Variants in ALK observed in about 807,000 individuals in gnomAD.
ALK encodes ALK tyrosine kinase receptor.
A neutral mutation model predicts 163.1 loss-of-function variants in ALK; 74 were observed. That is an observed-to-expected ratio of 0.45 (90% confidence interval 0.38 to 0.55). The LOEUF is 0.55. ALK is among the 20% of genes least tolerant of loss of function. ALK has a pLI of 0.00. For synonymous variants in ALK, 960 were observed against 843.2 expected, an observed-to-expected ratio of 1.14 and a Z score of -2.40; for missense variants, 2,063 against 2,105.3, an observed-to-expected ratio of 0.98 and a Z score of 0.39.
intron 4 of ALK, among the ~76,000 whole-genome samples, chr2:29,405,313 C>G (rs920493431): frequency 6.6e-6 from 1 of 152,192 alleles, no homozygotes; most frequent in Non-Finnish European, 1.5e-5. Flanking sequence ...GTTTTCAATA[C>G]AACAGCAGCT....
intron 3 of ALK, among the ~76,000 whole-genome samples, chr2:29,691,398 G>A (rs1678392246): frequency 6.6e-6 from 1 of 152,210 alleles, no homozygotes; most frequent in Non-Finnish European, 1.5e-5. Flanking sequence ...CTTGGTAAAG[G>A]AGACTGGTGT....
intron 4 of ALK, among the ~76,000 whole-genome samples, chr2:29,515,977 C>A (rs1672651241): frequency 6.6e-6 from 1 of 152,150 alleles, no homozygotes; most frequent in Non-Finnish European, 1.5e-5. Context: ...CTGTGAAAGG[C>A]CAGCTCAAGC....
intron 1 of ALK, among the ~76,000 whole-genome samples, chr2:29,877,339 C>A (rs916516146): frequency 6.6e-6 from 1 of 152,132 alleles, no homozygotes; most frequent in African/African-American, 2.4e-5. Flanking sequence ...ACCAGCTTGT[C>A]ATAGAGGCCT....
chr2:29,844,894 C>T (rs1431056922), intron 1 of ALK, among the ~76,000 whole-genome samples: 1 of 147,142 alleles, frequency 6.8e-6, no homozygotes, highest in Non-Finnish European at 1.5e-5. Context: ...CACACAGAGG[C>T]ACACACACAC....
chr2:29,770,748 T>C (rs531361266), intron 1 of ALK, among the ~76,000 whole-genome samples: 1 of 152,034 alleles, frequency 6.6e-6, no homozygotes, highest in South Asian at 2.1e-4. Flanking sequence ...GATAAAGAGA[T>C]AGAAAATAGG....
chr2:29,291,441 T>C lies in ALK; in HGVS notation c.1817+5447A>G, dbSNP rs1476801878. 4.6e-5 allele frequency among the ~76,000 whole-genome samples: 7 copies of C among 152,180 alleles called. No individual in the cohort carries two copies. In the South Asian group the frequency reaches 8.3e-4, roughly 18 times the overall value. ...AGTTTCTGCTACATGCCAAGCCCCA[T>C]GCATCACTTCCTCAGGCAGTACATA... is the stretch of plus-strand genomic sequence containing the variant. On this transcript the variant is annotated intron_variant, in intron 9 of 28. Transcript: ENST00000389048.
intron 5 of ALK, among the ~76,000 whole-genome samples, chr2:29,348,318 C>T (rs1379366078): frequency 6.6e-6 from 1 of 152,228 alleles, no homozygotes; most frequent in Non-Finnish European, 1.5e-5. Flanking sequence ...AAAGTGCTCA[C>T]AGCTCTCTGG....
At chr2:29,411,915 G>A (rs916291981) in intron 4 of ALK, among the ~76,000 whole-genome samples, 6 of 152,170 alleles carry the variant, frequency 3.9e-5, no homozygotes, top group Non-Finnish European at 7.3e-5. Flanking sequence ...GTGTCTTTGA[G>A]ATGTCACTCA....
At chr2:29,655,377 G>A (rs1340808646) in intron 3 of ALK, among the ~76,000 whole-genome samples, 1 of 152,104 alleles carries the variant, frequency 6.6e-6, no homozygotes, top group Non-Finnish European at 1.5e-5. Flanking sequence ...CAAATAAATA[G>A]CAAATAATAA....
chr2:29,563,070 T>C (rs950946419), intron 3 of ALK, among the ~76,000 whole-genome samples: 1 of 152,218 alleles, frequency 6.6e-6, no homozygotes, highest in Non-Finnish European at 1.5e-5. Context: ...GGGGCTATGC[T>C]GGACTCCTCT....
intron 4 of ALK, among the ~76,000 whole-genome samples, chr2:29,418,743 A>G (rs988324234): frequency 1.3e-5 from 2 of 152,244 alleles, no homozygotes; most frequent in Admixed American, 6.5e-5. Context: ...ATGGCTGAAT[A>G]GTAGATATTT....
intron 8 of ALK, among the ~76,000 whole-genome samples, chr2:29,309,245 T>G (rs1666630034): frequency 6.6e-6 from 1 of 152,178 alleles, no homozygotes; most frequent in Non-Finnish European, 1.5e-5. Flanking sequence ...GAGTGTGTGC[T>G]CTCAATGGGG....
chr2:29,200,728 T>TGTACATATATAC (rs1669137985), intron 26 of ALK, among the ~76,000 whole-genome samples: 1 of 139,276 alleles, frequency 7.2e-6, no homozygotes, highest in African/African-American at 2.6e-5. Flanking sequence ...TACGTATATA[T>TGTACATATATAC]GTATATATAT....
chr2:29,385,548 C>A (rs1460362792), intron 4 of ALK, among the ~76,000 whole-genome samples: 2 of 151,990 alleles, frequency 1.3e-5, no homozygotes, highest in African/African-American at 2.4e-5. Context: ...AGCCACCACA[C>A]CTGGATAATT....
intron 1 of ALK, among the ~76,000 whole-genome samples, chr2:29,737,198 C>T (rs1679916697): frequency 6.6e-6 from 1 of 151,930 alleles, no homozygotes; most frequent in African/African-American, 2.4e-5. Context: ...TATATAGGTG[C>T]TAGCTAGAGA....
At chr2:29,348,972 A>C (rs1454481083) in intron 5 of ALK, among the ~76,000 whole-genome samples, 2 of 152,222 alleles carry the variant, frequency 1.3e-5, no homozygotes, top group Non-Finnish European at 2.9e-5. Flanking sequence ...GAAGTGGTTT[A>C]TCCTAAGACT....
chr2:29,594,866 C>A (rs1484413408), intron 3 of ALK, among the ~76,000 whole-genome samples: 34 of 115,934 alleles, frequency 2.9e-4, no homozygotes, highest in Non-Finnish European at 2.1e-4. Flanking sequence ...TGCAGTGAAG[C>A]TGAGACCTCT....
chr2:29,310,725 C>T (rs766688287), intron 8 of ALK, among the ~76,000 whole-genome samples: 69 of 152,338 alleles, frequency 4.5e-4, no homozygotes, highest in Non-Finnish European at 8.1e-4. Flanking sequence ...GTCCCTCCCT[C>T]GCTCATCCCT....
At chr2:29,533,164 CCG>C (rs928638418) in intron 3 of ALK, among the ~76,000 whole-genome samples, 35 of 152,286 alleles carry the variant, frequency 2.3e-4, no homozygotes, top group African/African-American at 8.2e-4. Context: ...AAGCATAAGA[CCG>C]TGTCTGAGCT....
Sources: allele counts gnomAD v4.1 joint callset (sites outside exome capture counted in the v4.1 genomes callset), GRCh38; gene constraint gnomAD v4.1.1; transcripts MANE v1.5; gene names NCBI Gene and HGNC (gene_info 2026-07-23, HGNC 2026-07-21).